Variants in PDE10A observed in about 807,000 individuals in gnomAD.
The protein encoded by PDE10A is cAMP and cAMP-inhibited cGMP 3',5'-cyclic phosphodiesterase 10A.
In PDE10A, 39 loss-of-function variants were observed where a neutral mutation model predicts 97.7. That is an observed-to-expected ratio of 0.40 (90% CI 0.31 to 0.52). PDE10A has a LOEUF of 0.52. Among genes scored for constraint, PDE10A ranks in the 20% least tolerant of loss-of-function variants. PDE10A has a pLI of 0.56. For synonymous variants in PDE10A, 371 were observed against 376.8 expected, an observed-to-expected ratio of 0.98 and a Z score of 0.18; for missense variants, 731 against 1,047.8, an observed-to-expected ratio of 0.70 and a Z score of 4.17.
At chr6:165,653,206 C>T (rs548200979) in intron 1 of PDE10A, among the ~76,000 whole-genome samples, 2 of 152,202 alleles carry the variant, frequency 1.3e-5, no homozygotes, top group Non-Finnish European at 2.9e-5. Context: ...AGCACCTTCA[C>T]TATTTATTCA....
intron 1 of PDE10A, among the ~76,000 whole-genome samples, chr6:165,873,840 G>A (rs1781265682): frequency 6.6e-6 from 1 of 152,100 alleles, no homozygotes; most frequent in Non-Finnish European, 1.5e-5. Flanking sequence ...TCGAAAATAG[G>A]TTATTTGTTT....
At chr6:165,738,386 C>A (rs977704496) in intron 1 of PDE10A, among the ~76,000 whole-genome samples, 77 of 150,646 alleles carry the variant, frequency 5.1e-4, no homozygotes, top group Non-Finnish European at 5.6e-4. Flanking sequence ...TGTATATGTG[C>A]CACATTTTCT....
intron 18 of PDE10A, among the ~76,000 whole-genome samples, chr6:165,374,346 ATC>A (rs1329905703): frequency 6.6e-6 from 1 of 151,966 alleles, no homozygotes; most frequent in African/African-American, 2.4e-5. Flanking sequence ...CTGAAACTAA[ATC>A]TGTTTTCAAA....
Position 165,543,533 on chromosome 6 carries a change from G to A in PDE10A, c.901C>T (p.Leu301Phe), listed in dbSNP as rs1413100237. ...TDEKVKAYLSLHPQVLDEFVS... is the reference protein window; with the variant it reads ...TDEKVKAYLSFHPQVLDEFVS... ...AATTCATCTAATACCTGGGGGTGAA[G>A]AGAAAGATATGCCTTCACTTTTTCA... Residue 301 changes from leucine to phenylalanine, a missense_variant, in exon 2 of 22, where the codon CTT becomes TTT. Transcript: ENST00000539869. 3 of 1,611,128 alleles carry A rather than the reference G, an allele frequency of 1.9e-6. No homozygotes were observed. Among genetic ancestry groups the A allele is most frequent in the Non-Finnish European group, 2.5e-6 (3 of 1,178,338 alleles).
At chr6:165,465,267 T>C (rs920092299) in intron 3 of PDE10A, among the ~76,000 whole-genome samples, 1 of 152,200 alleles carries the variant, frequency 6.6e-6, no homozygotes, top group African/African-American at 2.4e-5. Flanking sequence ...TACACAGGTA[T>C]AGGTGGAAAA....
intron 1 of PDE10A, among the ~76,000 whole-genome samples, chr6:165,659,526 T>C (rs1311068777): frequency 2.0e-5 from 3 of 152,242 alleles, no homozygotes; most frequent in African/African-American, 7.2e-5. Context: ...TCTCTTTTAA[T>C]AATCTATCCC....
At chr6:165,432,492 C>T (rs1789663240) in intron 7 of PDE10A, among the ~76,000 whole-genome samples, 1 of 152,096 alleles carries the variant, frequency 6.6e-6, no homozygotes, top group African/African-American at 2.4e-5. Flanking sequence ...AGTGAGGCCA[C>T]TGAAGGAAAC....
At chr6:165,664,153 C>A (rs1790434836), upstream of PDE10A, among the ~76,000 whole-genome samples, 1 of 152,128 alleles carries the variant, frequency 6.6e-6, no homozygotes, top group Non-Finnish European at 1.5e-5. Context: ...TCACGAAGGG[C>A]AAAACGGTCA....
At chr6:165,743,588 T>C (rs1792778002) in intron 1 of PDE10A, among the ~76,000 whole-genome samples, 1 of 152,194 alleles carries the variant, frequency 6.6e-6, no homozygotes, top group Non-Finnish European at 1.5e-5. Context: ...ATCCATAAAA[T>C]GGATCAACAT....
chr6:165,833,392 T>C (rs1779978655), intron 1 of PDE10A, among the ~76,000 whole-genome samples: 2 of 152,208 alleles, frequency 1.3e-5, no homozygotes, highest in Admixed American at 1.3e-4. Context: ...GCTAATCTCA[T>C]ACCCTGGGTG....
intron 1 of PDE10A, among the ~76,000 whole-genome samples, chr6:165,755,237 G>GA (rs1247391133): frequency 4.6e-5 from 7 of 152,146 alleles, no homozygotes; most frequent in East Asian, 1.9e-4. Flanking sequence ...GAATTGTCAT[G>GA]AAAAAACAGA....
At chr6:165,631,240 G>A (rs1788613960) in intron 1 of PDE10A, among the ~76,000 whole-genome samples, 1 of 152,018 alleles carries the variant, frequency 6.6e-6, no homozygotes, top group South Asian at 2.1e-4. Context: ...TTAAAGAACA[G>A]GACTGATAAC....
chr6:165,475,770 T>C (rs892553412), intron 3 of PDE10A, among the ~76,000 whole-genome samples: 5 of 152,200 alleles, frequency 3.3e-5, no homozygotes, highest in South Asian at 2.1e-4. Context: ...CTTTTGAAAC[T>C]TGGCATACAG....
intron 2 of PDE10A, among the ~76,000 whole-genome samples, chr6:165,503,597 G>C (rs115106699): frequency 6.6e-5 from 10 of 152,168 alleles, no homozygotes; most frequent in Admixed American, 5.9e-4. Flanking sequence ...AAAGCCAAAG[G>C]CTCCTTTTCT....
At chr6:165,368,784 TCCCTGAC>T (rs1189818647) in intron 18 of PDE10A, among the ~76,000 whole-genome samples, 2 of 152,118 alleles carry the variant, frequency 1.3e-5, no homozygotes, top group Non-Finnish European at 2.9e-5. Context: ...CTCAAGTGGG[TCCCTGAC>T]CCCTGACCCC....
At chr6:165,586,112 G>A (rs994608839) in intron 1 of PDE10A, among the ~76,000 whole-genome samples, 2 of 152,066 alleles carry the variant, frequency 1.3e-5, no homozygotes, top group African/African-American at 2.4e-5. Context: ...CCCACTCCCT[G>A]CCCCCCTTTT....
chr6:165,510,258 C>T (rs1340268110), intron 2 of PDE10A, among the ~76,000 whole-genome samples: 2 of 151,722 alleles, frequency 1.3e-5, no homozygotes, highest in African/African-American at 2.4e-5. Flanking sequence ...CCTTCTAGGC[C>T]TAGTTTGCTG....
At chr6:165,508,985 G>A (rs947939867) in intron 2 of PDE10A, among the ~76,000 whole-genome samples, 2 of 151,918 alleles carry the variant, frequency 1.3e-5, no homozygotes, top group Non-Finnish European at 2.9e-5. Flanking sequence ...CATCTTCACA[G>A]ATTGATTTTT....
chr6:165,963,727 C>A (rs1187209561), intron 1 of PDE10A, among the ~76,000 whole-genome samples: 1 of 152,230 alleles, frequency 6.6e-6, no homozygotes, highest in Non-Finnish European at 1.5e-5. Flanking sequence ...CCTCTCTTGA[C>A]CCCACCATCA....
Sources: gnomAD v4.1 joint callset for allele counts (sites outside exome capture counted in the v4.1 genomes callset) on GRCh38, gnomAD v4.1.1 for gene constraint, MANE v1.5 for transcripts, NCBI Gene and HGNC (gene_info 2026-07-23, HGNC 2026-07-21) for gene names.